The following ADCY8 variants were observed in gnomAD, a reference collection of about 807,000 sequenced individuals.
The protein encoded by ADCY8 is adenylate cyclase type 8.
ADCY8 carries 51 observed loss-of-function variants against 119.7 expected under a neutral mutation model. The ratio of observed to expected loss-of-function variants is 0.43; its 90% CI spans 0.34 to 0.54. The LOEUF (loss-of-function observed/expected upper bound fraction) is 0.54, where lower values mean the gene tolerates loss of function less well. Among genes scored for constraint, ADCY8 ranks in the 20% least tolerant of loss-of-function variants. ADCY8 has a pLI of 0.03. For synonymous variants in ADCY8, 665 were observed against 651.0 expected (o/e 1.02, Z -0.33); for missense variants, 1,383 against 1,598.8 (o/e 0.87, Z 2.30).
At chr8:130,917,599 T>C (rs936261680) in intron 5 of ADCY8, among the ~76,000 whole-genome samples, 2 of 152,156 alleles carry the variant, frequency 1.3e-5, no homozygotes, top group African/African-American at 4.8e-5. Flanking sequence ...CCCGGAATCT[T>C]AGAAGAACAA....
At chr8:131,009,986 A>G (rs1355013169) in intron 1 of ADCY8, among the ~76,000 whole-genome samples, 1 of 152,236 alleles carries the variant, frequency 6.6e-6, no homozygotes, top group Non-Finnish European at 1.5e-5. Flanking sequence ...GCCTCACATT[A>G]TAGTGCCATT....
chr8:130,806,422 C>T (rs1815960090), intron 14 of ADCY8, among the ~76,000 whole-genome samples: 1 of 152,140 alleles, frequency 6.6e-6, no homozygotes, highest in African/African-American at 2.4e-5. Context: ...AGAGACCCAG[C>T]AGAAAAGAGG....
At chr8:130,796,705 T>G (rs1198023364) in intron 15 of ADCY8, among the ~76,000 whole-genome samples, 13 of 152,020 alleles carry the variant, frequency 8.6e-5, no homozygotes, top group Non-Finnish European at 1.5e-5. Context: ...GCTTTTTTAT[T>G]TTTCCTGTTG....
intron 15 of ADCY8, among the ~76,000 whole-genome samples, chr8:130,791,748 G>C (rs1815432213): frequency 6.6e-6 from 1 of 152,160 alleles, no homozygotes; most frequent in Admixed American, 6.5e-5. Flanking sequence ...GTGTGGGGAG[G>C]AACTCTCAGT....
chr8:131,028,171 A>C (rs1486521286), intron 1 of ADCY8, among the ~76,000 whole-genome samples: 2 of 152,258 alleles, frequency 1.3e-5, no homozygotes, highest in Non-Finnish European at 2.9e-5. Context: ...TGAAAAACCC[A>C]TAGCAAAAAC....
At chr8:130,880,918 G>A (rs113295531) in intron 8 of ADCY8, among the ~76,000 whole-genome samples, 83 of 152,280 alleles carry the variant, frequency 5.5e-4, no homozygotes, top group African/African-American at 1.9e-3. Context: ...GCTGTCCAAC[G>A]TCCTCATTTC....
At chr8:130,864,225 C>A (rs1212790659) in intron 9 of ADCY8, among the ~76,000 whole-genome samples, 1 of 152,088 alleles carries the variant, frequency 6.6e-6, no homozygotes, top group Non-Finnish European at 1.5e-5. Context: ...AAGATGATGT[C>A]CTTCACTGTG....
intron 1 of ADCY8, among the ~76,000 whole-genome samples, chr8:131,016,047 CAG>C (rs1183893585): frequency 3.3e-5 from 5 of 152,176 alleles, no homozygotes; most frequent in African/African-American, 1.2e-4. Flanking sequence ...CTGGGGATGT[CAG>C]TGAGAAATGG....
intron 14 of ADCY8, among the ~76,000 whole-genome samples, chr8:130,805,369 C>T (rs967391648): frequency 1.3e-5 from 2 of 152,116 alleles, no homozygotes; most frequent in Non-Finnish European, 2.9e-5. Flanking sequence ...GCAACAACAA[C>T]AGCAGTAATA....
chr8:130,949,340 C>A (rs919519756), intron 3 of ADCY8, among the ~76,000 whole-genome samples: 19 of 151,710 alleles, frequency 1.3e-4, no homozygotes, highest in African/African-American at 4.6e-4. Context: ...GGTATTTTTC[C>A]CTCCTTCTTT....
intron 15 of ADCY8, among the ~76,000 whole-genome samples, chr8:130,790,876 G>A (rs1815403500): frequency 6.6e-6 from 1 of 152,178 alleles, no homozygotes; most frequent in South Asian, 2.1e-4. Context: ...GTACTCAGAA[G>A]TGGTTCTTAC....
chr8:131,009,791 G>C (rs747841262), intron 1 of ADCY8, among the ~76,000 whole-genome samples: 1 of 152,186 alleles, frequency 6.6e-6, no homozygotes, highest in Non-Finnish European at 1.5e-5. Flanking sequence ...ATGTATAGAA[G>C]TTAGGCAAGC....
At chr8:130,890,946 T>TA (rs1257330746) in intron 7 of ADCY8, among the ~76,000 whole-genome samples, 2 of 152,180 alleles carry the variant, frequency 1.3e-5, no homozygotes, top group African/African-American at 4.8e-5. Context: ...TCATTGCTGA[T>TA]ATGGAAAAGA....
chr8:130,980,451 A>C (rs1485344264), intron 2 of ADCY8, among the ~76,000 whole-genome samples: 2 of 152,190 alleles, frequency 1.3e-5, no homozygotes, highest in East Asian at 1.9e-4. Flanking sequence ...ACAGTGATGC[A>C]GGAGAGAAAT....
At chr8:130,786,208 T>C (rs1267687226) in intron 15 of ADCY8, among the ~76,000 whole-genome samples, 4 of 152,232 alleles carry the variant, frequency 2.6e-5, no homozygotes, top group African/African-American at 9.6e-5. Flanking sequence ...CTGGAGCATA[T>C]ATTTTCCACT....
At chr8:130,819,537 G>A (rs947667928) in intron 13 of ADCY8, among the ~76,000 whole-genome samples, 2 of 152,136 alleles carry the variant, frequency 1.3e-5, no homozygotes. Flanking sequence ...ATGGAATGAC[G>A]ACCCTTACCC....
chr8:130,976,696 C>T (rs1454720405), intron 2 of ADCY8, among the ~76,000 whole-genome samples: 1 of 152,056 alleles, frequency 6.6e-6, no homozygotes, highest in African/African-American at 2.4e-5. Flanking sequence ...TCAAGAAGAT[C>T]ATATTTTAAT....
chr8:130,870,302 G>A (rs367960464), intron 8 of ADCY8, among the ~76,000 whole-genome samples: 5 of 151,948 alleles, frequency 3.3e-5, no homozygotes, highest in Non-Finnish European at 7.4e-5. Context: ...ATGAGTCACC[G>A]TGCCTGGCTC....
chr8:130,811,030 C>T (rs920164649), intron 14 of ADCY8, among the ~76,000 whole-genome samples: 3 of 152,130 alleles, frequency 2.0e-5, no homozygotes, highest in Non-Finnish European at 2.9e-5. Context: ...TTGATACACA[C>T]TGATATTCTC....
Sources: allele counts gnomAD v4.1 joint callset (sites outside exome capture counted in the v4.1 genomes callset), GRCh38; gene constraint gnomAD v4.1.1; transcripts MANE v1.5; gene names NCBI Gene and HGNC (gene_info 2026-07-23, HGNC 2026-07-21).